Variants in MRO observed in about 807,000 individuals in gnomAD.
The protein encoded by MRO is maestro, also known as protein maestro.
In MRO, 28 loss-of-function variants were observed where a neutral mutation model predicts 31.0. The ratio of observed to expected loss-of-function variants is 0.90; its 90% CI spans 0.67 to 1.24. The LOEUF is 1.24. Among genes scored for constraint, MRO ranks in the 50% most tolerant of loss-of-function variants. The pLI is 0.00. For synonymous variants in MRO, 108 were observed against 108.4 expected, an observed-to-expected ratio of 1.00 and a Z score of 0.02; for missense variants, 332 against 289.2, an observed-to-expected ratio of 1.15 and a Z score of -1.07.
In MRO at chr18:50,819,949, T is replaced by TC. The variant is rs1424038114; in HGVS notation, c.-180dup. On this transcript the variant is annotated 5_prime_UTR_variant, in exon 1 of 8. It removes the in-frame stop codon of an upstream open reading frame in the 5' UTR. Coordinates refer to ENST00000398439, the MANE Select transcript of MRO (RefSeq NM_031939.6). ...GTTTTTCCTTCTCCTTGCTGTGATT[T>TC]CCCCTCCTTCTTCCCTCATGCCAGC... is the stretch of plus-strand genomic sequence containing the variant. 5.8e-6 allele frequency: 9 copies of TC among 1,551,488 alleles called. No homozygotes were observed. The highest frequency in any genetic ancestry group is 7.8e-6 in the Non-Finnish European group (9 of 1,146,970).
At position 50,819,598 on chromosome 18, in the gene MRO, G is replaced by A; in HGVS notation, c.-22C>T. ...TCCCTTACCTGCGGCTCCTGCAGGC[G>A]GCTGCCACGTGATGAACCGGAGCCC... On this transcript the variant is annotated 5_prime_UTR_variant, in exon 2 of 8. Coordinates refer to ENST00000398439, the MANE Select transcript of MRO (RefSeq NM_031939.6). 6.4e-7 allele frequency: 1 copy of A among 1,551,632 alleles called. No homozygotes were observed. The highest frequency in any genetic ancestry group is 1.4e-5 in the African/African-American group (1 of 73,158).
intron 4 of MRO, among the ~76,000 whole-genome samples, chr18:50,806,092 T>G (rs1022011994): frequency 1.3e-5 from 2 of 152,102 alleles, no homozygotes; most frequent in African/African-American, 4.8e-5. Flanking sequence ...CCTGGGCAAT[T>G]TTTTGTATTT....
intron 2 of MRO, among the ~76,000 whole-genome samples, chr18:50,813,339 A>T (rs557382991): frequency 2.0e-5 from 3 of 152,234 alleles, no homozygotes; most frequent in Non-Finnish European, 4.4e-5. Context: ...AATTAGCAAG[A>T]GTTTCTCTTT....
intron 2 of MRO, among the ~76,000 whole-genome samples, chr18:50,814,092 T>C (rs1322772168): frequency 1.3e-5 from 2 of 152,172 alleles, no homozygotes; most frequent in Non-Finnish European, 2.9e-5. Flanking sequence ...TAGAACCTAA[T>C]GATTCTCAGG....
chr18:50,820,474 G>A (rs1011483595), upstream of MRO, among the ~76,000 whole-genome samples: 4 of 152,078 alleles, frequency 2.6e-5, no homozygotes, highest in Non-Finnish European at 5.9e-5. Context: ...TTATCGTCTC[G>A]CTCTGCATTG....
intron 6 of MRO, 114 bp from the exon 7 acceptor site, chr18:50,800,257 G>A: frequency 1.5e-6 from 1 of 671,242 alleles, no homozygotes; most frequent in Non-Finnish European, 2.4e-6. Flanking sequence ...CTGAAAGTGT[G>A]AAAGTAACTT....
Position 50,816,958 on chromosome 18 carries a change from C to G in MRO, c.-5+2623G>C, listed in dbSNP as rs1424298427. Reference sequence around the variant, plus strand: ...CTACCCTGTTCTTTCTGCTTGACTTCTCTTGCAAGATTAGCATAACAGCTA... The same window carrying G: ...CTACCCTGTTCTTTCTGCTTGACTTGTCTTGCAAGATTAGCATAACAGCTA... On this transcript the variant is annotated intron_variant, in intron 2 of 7. Transcript: ENST00000398439. Among the ~76,000 whole-genome samples, 8 of 152,272 alleles carry G rather than the reference C, an allele frequency of 5.3e-5. No individual in the cohort carries two copies. The South Asian group carries it at 1.7e-3, about 32-fold the overall frequency.
upstream of MRO, among the ~76,000 whole-genome samples, chr18:50,821,105 A>G (rs1915284843): frequency 6.6e-6 from 1 of 152,174 alleles, no homozygotes; most frequent in African/African-American, 2.4e-5. Context: ...CAATAAATAG[A>G]CTAGAAGAGA....
chr18:50,800,122 C>T lies in MRO; in HGVS notation c.607G>A (p.Ala203Thr). 1.2e-6 allele frequency: 2 copies of T among 1,612,310 alleles called. No homozygotes were observed. Among genetic ancestry groups the T allele is most frequent in the Middle Eastern group, 1.7e-4 (1 of 6,022 alleles). The stretch of plus-strand genomic sequence containing the variant: ...TTTAGTTTCAGATATGGAGAACAGG[C>T]TTGAAATGTTGTTTTGCAAGCCTGA... ...VAKACKTTFQ[A>T]CSPYLKLKEE... is the part of the protein sequence containing the mutation. The change falls in exon 7 of 8, where the codon GCC becomes ACC. Residue 203 changes from alanine (A) to threonine (T), a missense_variant. Transcript: ENST00000398439.
intron 2 of MRO, among the ~76,000 whole-genome samples, chr18:50,818,292 T>C (rs1227849603): frequency 3.3e-5 from 5 of 152,198 alleles, no homozygotes; most frequent in African/African-American, 9.7e-5. Flanking sequence ...TAGCCTTGTA[T>C]GACCAAGACC....
At chr18:50,825,074 TA>T (rs11451139) in intron 1 of MRO, among the ~76,000 whole-genome samples, 7,834 of 141,868 alleles carry the variant, frequency 0.055, 265 homozygotes, top group South Asian at 0.16. Flanking sequence ...GATTCCATCT[TA>T]AAAAAAAAAA....
intron 3 of MRO, among the ~76,000 whole-genome samples, chr18:50,807,802 C>G (rs1176897882): frequency 5.3e-5 from 8 of 152,214 alleles, no homozygotes; most frequent in African/African-American, 1.9e-4. Context: ...ACTTTAAGAA[C>G]TAAACTCTAT....
In MRO at chr18:50,797,289, C is replaced by T. The variant is rs1426168445; in HGVS notation, c.*2048G>A. On this transcript the variant is annotated 3_prime_UTR_variant, in exon 8 of 8. Transcript: ENST00000398439. ...TTCACATGGTGATCTCAGGCACTCT[C>T]ATTTGTTCCTGGTAGTTCAACTCCT... The T allele has an allele frequency of 6.6e-6, 1 of 152,244 alleles. No individual in the cohort carries two copies. The highest frequency in any genetic ancestry group is 2.4e-5 in the African/African-American group (1 of 41,436). The allele number at this position is 152,244 out of a possible 1,614,324, so 9.4% of individuals were successfully genotyped here.
chr18:50,819,371 A>C, intron 2 of MRO: 1 of 910,686 alleles, frequency 1.1e-6, no homozygotes, highest in Non-Finnish European at 1.3e-6. Flanking sequence ...TGATCGATTA[A>C]CATAGTTTGT....
chr18:50,806,877 A>G (rs766973225), intron 3 of MRO, 27 bp from the exon 4 acceptor site: 15 of 1,612,762 alleles, frequency 9.3e-6, no homozygotes, highest in Non-Finnish European at 1.3e-5. Context: ...AAATGTATTA[A>G]TTTGGGAGTG....
At chr18:50,820,199 G>T, upstream of MRO, 1 of 574,942 alleles carries the variant, frequency 1.7e-6, no homozygotes. Context: ...ATGGGACACT[G>T]TGTTCCATGC....
upstream of MRO, among the ~76,000 whole-genome samples, chr18:50,822,772 C>T (rs1395452417): frequency 1.4e-5 from 2 of 146,918 alleles, no homozygotes; most frequent in Admixed American, 7.0e-5. Flanking sequence ...TCAGCCACCT[C>T]CTTAGCCACA....
In MRO at chr18:50,797,174, C is replaced by G. The variant is rs1490083822; in HGVS notation, c.*2163G>C. On this transcript the variant is annotated 3_prime_UTR_variant, in exon 8 of 8. Coordinates refer to ENST00000398439, the MANE Select transcript of MRO (RefSeq NM_031939.6). ...TTCCGTATGGTGTCAGCTGGAGTAG[C>G]TTCAACAGCTCGGGTCTGGCTGGAA... 1 of 152,212 alleles carries G rather than the reference C, an allele frequency of 6.6e-6. No individual in the cohort carries two copies. Among genetic ancestry groups the G allele is most frequent in the Non-Finnish European group, 1.5e-5 (1 of 68,058 alleles). The allele number at this position is 152,212 out of a possible 1,614,324, so 9.4% of individuals were successfully genotyped here.
rs1305381113 is a variant in MRO at position 50,801,379 on chromosome 18, A to G, written c.555T>C (p.His185=). Residue 185 remains histidine (H), a synonymous_variant, in exon 6 of 8, where the codon CAT becomes CAC. Transcript: ENST00000398439. ...VKQTRDSLLI[H]LQDRNPQVAK... Reference sequence around the variant, plus strand: ...CAACCTGGGGATTTCTGTCCTGTAAATGGATCAGGAGGGAATCTCGTGTCT... The same window carrying G: ...CAACCTGGGGATTTCTGTCCTGTAAGTGGATCAGGAGGGAATCTCGTGTCT... The G allele has an allele frequency of 6.2e-7, 1 of 1,603,746 alleles. No homozygotes were observed. Among genetic ancestry groups the G allele is most frequent in the Admixed American group, 1.7e-5 (1 of 58,832 alleles).
Sources: allele counts gnomAD v4.1 joint callset (sites outside exome capture counted in the v4.1 genomes callset), GRCh38; gene constraint gnomAD v4.1.1; transcripts MANE v1.5; gene names NCBI Gene and HGNC (gene_info 2026-07-23, HGNC 2026-07-21).